The following PCBP2 variants were observed in gnomAD, a reference collection of about 807,000 sequenced individuals.
PCBP2 encodes the protein poly(rC)-binding protein 2.
PCBP2 carries 4 observed loss-of-function variants against 50.1 expected under a neutral mutation model. The ratio of observed to expected loss-of-function variants is 0.08; its 90% CI spans 0.04 to 0.18. The LOEUF (loss-of-function observed/expected upper bound fraction) is 0.18, where lower values mean the gene tolerates loss of function less well. Ranked by LOEUF, PCBP2 falls within the 10% of genes least tolerant of loss-of-function variation. The pLI, the probability that PCBP2 is intolerant of heterozygous loss-of-function variation, is 1.00. For missense variants in PCBP2, 161 were observed against 474.3 expected (o/e 0.34, Z 6.14); for synonymous variants, 179 against 168.0 (o/e 1.07, Z -0.51).
intron 13 of PCBP2, among the ~76,000 whole-genome samples, chr12:53,469,397 T>C (rs1942046769): frequency 6.6e-6 from 1 of 152,074 alleles, no homozygotes; most frequent in Non-Finnish European, 1.5e-5. Flanking sequence ...GTGTGAGGTA[T>C]GACGAGACAG....
At chr12:53,462,701 G>A in intron 8 of PCBP2, 134 bp downstream of exon 8, 1 of 627,238 alleles carries the variant, frequency 1.6e-6, no homozygotes, top group Admixed American at 3.3e-5. Flanking sequence ...CCGGCTTTTA[G>A]TTTTATTTTT....
intron 6 of PCBP2, 148 bp from the exon 7 acceptor site, chr12:53,460,867 A>T: frequency 1.3e-6 from 1 of 780,308 alleles, no homozygotes; most frequent in Non-Finnish European, 2.0e-6. Context: ...CCTATCTGGA[A>T]TAAGGGAAGA....
chr12:53,460,977 T>C (rs1941412034), intron 6 of PCBP2, 38 bp from the exon 7 acceptor site: 2 of 1,609,092 alleles, frequency 1.2e-6, no homozygotes, highest in African/African-American at 1.3e-5. Context: ...GAGCATGAAC[T>C]GTTTTTCTCT....
At chr12:53,467,715 T>A in intron 11 of PCBP2, 90 bp from the exon 12 acceptor site, 3 of 1,020,006 alleles carry the variant, frequency 2.9e-6, no homozygotes, top group African/African-American at 3.2e-5. Flanking sequence ...TTATTTTGTT[T>A]CGTTTTTGGG....
chr12:53,475,436 A>G (rs1402351077), intron 14 of PCBP2: 2 of 293,794 alleles, frequency 6.8e-6, no homozygotes, highest in South Asian at 5.9e-5. Context: ...CTTTATCTAG[A>G]GCCACAGTTT....
intron 10 of PCBP2, among the ~76,000 whole-genome samples, chr12:53,466,240 G>A (rs1391087242): frequency 6.6e-6 from 1 of 152,184 alleles, no homozygotes; most frequent in East Asian, 1.9e-4. Flanking sequence ...TTCTAAAAGG[G>A]AAATGTTCCA....
intron 4 of PCBP2, 150 bp from the exon 5 acceptor site, chr12:53,455,735 G>T: frequency 1.4e-6 from 1 of 692,724 alleles, no homozygotes; most frequent in Non-Finnish European, 2.5e-6. Flanking sequence ...TATCTTTGAG[G>T]ATAGTCATGG....
chr12:53,457,911 G>C (rs1207172019), intron 5 of PCBP2, among the ~76,000 whole-genome samples: 1 of 152,138 alleles, frequency 6.6e-6, no homozygotes, highest in East Asian at 1.9e-4. Context: ...AATCAATACA[G>C]TCAAATCTAT....
chr12:53,467,857 A>AC lies in PCBP2; in HGVS notation c.826+14_826+15insC. 1 of 1,595,722 alleles carries AC rather than the reference A, an allele frequency of 6.3e-7. No individual in the cohort carries two copies. The highest frequency in any genetic ancestry group is 1.1e-5 in the South Asian group (1 of 90,636). ...AAGGCTATTGGGGTAATGATTAAAA[A>AC]AAAAAAAATCTGTAGTATTCTACTG... On this transcript the variant is annotated intron_variant, in intron 12 of 14. Transcript: ENST00000546463.
At chr12:53,477,683 A>AAAC (rs1443858563) in intron 14 of PCBP2, among the ~76,000 whole-genome samples, 2 of 149,426 alleles carry the variant, frequency 1.3e-5, no homozygotes, top group African/African-American at 5.0e-5. Flanking sequence ...AAAAAAAAAA[A>AAAC]AAAAAAAAAA....
At chr12:53,469,449 G>A (rs115449571) in intron 13 of PCBP2, among the ~76,000 whole-genome samples, 1,609 of 152,034 alleles carry the variant, frequency 0.011, 34 homozygotes, top group African/African-American at 0.037. Flanking sequence ...GGCTGGGCAC[G>A]GTGGCTCACT....
intron 10 of PCBP2, 36 bp downstream of exon 10, chr12:53,466,009 C>T (rs1171862278): frequency 1.0e-5 from 16 of 1,597,236 alleles, no homozygotes; most frequent in Non-Finnish European, 1.3e-5. Context: ...TTGAAAAGCT[C>T]CCTCTCCCAT....
chr12:53,470,755 A>C (rs1369161011), intron 13 of PCBP2, among the ~76,000 whole-genome samples: 9 of 101,024 alleles, frequency 8.9e-5, no homozygotes, highest in African/African-American at 3.0e-4. Context: ...AATGTTAACC[A>C]GTTTTTTTTT....
intron 9 of PCBP2, among the ~76,000 whole-genome samples, chr12:53,465,579 C>T (rs998678267): frequency 3.9e-5 from 6 of 152,156 alleles, no homozygotes; most frequent in Non-Finnish European, 7.4e-5. Context: ...GATCATTATT[C>T]CTCCTAGGCT....
chr12:53,468,917 C>CTTTTTTTTTT lies in PCBP2; in HGVS notation c.882+95_882+104dup, dbSNP rs5798266. The CTTTTTTTTTT allele has an allele frequency of 3.8e-4, 219 of 574,516 alleles. 2 individuals carry two copies. In the African/African-American group the frequency reaches 4.4e-3, roughly 11 times the overall value. The allele number at this position is 574,516 out of a possible 1,614,324, so 35.6% of individuals were successfully genotyped here. A position where few individuals can be genotyped will look rare whatever the true frequency, so the allele number is the denominator to read the frequency against. On this transcript the variant is annotated intron_variant, in intron 13 of 14. Coordinates refer to ENST00000546463, the MANE Select transcript of PCBP2 (RefSeq NM_031989.5). ...GTCGTTTCAGCAGTGTCCTGCTACC[C>CTTTTTTTTTT]TTTTTTTTTTTTTTTTTTTAAACAG... is the stretch of plus-strand genomic sequence containing the variant.
At chr12:53,479,226 C>T (rs1234731950) in intron 14 of PCBP2, among the ~76,000 whole-genome samples, 180 bp from the exon 15 acceptor site, 2 of 152,152 alleles carry the variant, frequency 1.3e-5, no homozygotes, top group Non-Finnish European at 2.9e-5. Flanking sequence ...TAATAGACCT[C>T]CACATGCTTG....
chr12:53,457,231 C>G (rs548843723), intron 5 of PCBP2, among the ~76,000 whole-genome samples: 72 of 152,154 alleles, frequency 4.7e-4, no homozygotes, highest in South Asian at 8.3e-4. Context: ...AAAACGTTTT[C>G]TTGTAGAGAT....
chr12:53,477,665 C>CAAAAAAAAAAAAAA (rs61213286), intron 14 of PCBP2, among the ~76,000 whole-genome samples: 3 of 52,886 alleles, frequency 5.7e-5, no homozygotes, highest in African/African-American at 8.7e-5. Flanking sequence ...GACTCTGTCT[C>CAAAAAAAAAAAAAA]AAAAAAAAAA....
chr12:53,459,142 T>G, intron 5 of PCBP2, 130 bp from the exon 6 acceptor site: 1 of 652,084 alleles, frequency 1.5e-6, no homozygotes. Flanking sequence ...ATTTGAACCT[T>G]TTGTCTATGG....
Sources: gnomAD v4.1 joint callset for allele counts (sites outside exome capture counted in the v4.1 genomes callset) on GRCh38, gnomAD v4.1.1 for gene constraint, MANE v1.5 for transcripts, NCBI Gene and HGNC (gene_info 2026-07-23, HGNC 2026-07-21) for gene names.